The following RIMS2 variants were observed in gnomAD, a reference collection of about 807,000 sequenced individuals.
RIMS2 encodes regulating synaptic membrane exocytosis protein 2.
In RIMS2, 59 loss-of-function variants were observed where a neutral mutation model predicts 174.4. The observed-to-expected ratio is 0.34, with a 90% CI of 0.27 to 0.42. The LOEUF is 0.42. Among genes scored for constraint, RIMS2 ranks in the 10% least tolerant of loss-of-function variants. RIMS2 has a pLI of 1.00. For synonymous variants in RIMS2, 606 were observed against 572.5 expected, an observed-to-expected ratio of 1.06 and a Z score of -0.84; for missense variants, 1,620 against 1,666.3, an observed-to-expected ratio of 0.97 and a Z score of 0.48.
rs866778232 is a variant in RIMS2, at chr8:103,541,466, C to A, written c.176+40404C>A. 5.3e-5 allele frequency among the ~76,000 whole-genome samples: 8 copies of A among 152,100 alleles called. No homozygotes were observed. The South Asian group carries it at 1.7e-3, about 32-fold the overall frequency. On this transcript the variant is annotated intron_variant, in intron 1 of 23. Transcript: ENST00000504942. ...CAGAGATAATCACCACCAGACCTGT[C>A]TTACAAGAAATGCTGAGGAGAGTTC...
At chr8:104,055,504 ATCT>A (rs1039050544) in intron 19 of RIMS2, among the ~76,000 whole-genome samples, 1 of 152,180 alleles carries the variant, frequency 6.6e-6, no homozygotes, top group Admixed American at 6.5e-5. Context: ...TGATATTTGT[ATCT>A]TCTATAAACA....
At chr8:104,005,720 T>C (rs1393765629) in intron 17 of RIMS2, among the ~76,000 whole-genome samples, 1 of 152,124 alleles carries the variant, frequency 6.6e-6, no homozygotes, top group African/African-American at 2.4e-5. Context: ...GTTGTTTTAA[T>C]ACCAGAACTG....
At chr8:103,931,564 T>C (rs1237766735) in intron 12 of RIMS2, among the ~76,000 whole-genome samples, 171 bp downstream of exon 14, 1 of 152,090 alleles carries the variant, frequency 6.6e-6, no homozygotes, top group African/African-American at 2.4e-5. Flanking sequence ...ATAAGATTTT[T>C]TAAAACTCAC....
intron 15 of RIMS2, among the ~76,000 whole-genome samples, chr8:103,968,191 AC>A (rs531300301): frequency 3.7e-4 from 56 of 152,084 alleles, no homozygotes; most frequent in African/African-American, 1.4e-3. Flanking sequence ...GATTAGTGTT[AC>A]CATAGTACAT....
At chr8:103,501,833 AG>A (rs1182776962) in intron 1 of RIMS2, among the ~76,000 whole-genome samples, 5 of 152,274 alleles carry the variant, frequency 3.3e-5, no homozygotes, top group Admixed American at 6.5e-5. Context: ...CGGTCTTGGC[AG>A]GCCGGGTTTT....
intron 1 of RIMS2, among the ~76,000 whole-genome samples, chr8:103,588,895 A>G (rs2094112832): frequency 1.3e-5 from 2 of 151,912 alleles, no homozygotes; most frequent in Admixed American, 1.3e-4. Flanking sequence ...CAACCAAAGC[A>G]GAAATGAACT....
intron 19 of RIMS2, 108 bp from the exon 23 acceptor site, chr8:104,068,390 TACATGCTACATTGA>T (rs907923541): frequency 2.1e-6 from 1 of 475,452 alleles, no homozygotes; most frequent in African/African-American, 2.0e-5. Context: ...ATTTAATTTG[TACATGCTACATTGA>T]GTGAAAGTAA....
intron 2 of RIMS2, among the ~76,000 whole-genome samples, chr8:103,727,397 G>A (rs2097538942): frequency 6.6e-6 from 1 of 151,504 alleles, no homozygotes; most frequent in Admixed American, 6.6e-5. Context: ...TTCCAAATAT[G>A]TTCTTCAATT....
chr8:104,246,525 G>T (rs2140121797), intron 20 of RIMS2, among the ~76,000 whole-genome samples: 1 of 152,118 alleles, frequency 6.6e-6, no homozygotes, highest in East Asian at 1.9e-4. Flanking sequence ...CAAACAATAA[G>T]AAAAATTGTT....
chr8:103,671,842 A>T (rs906224517), intron 1 of RIMS2, among the ~76,000 whole-genome samples: 1 of 152,220 alleles, frequency 6.6e-6, no homozygotes, highest in African/African-American at 2.4e-5. Flanking sequence ...TCATGAAAAT[A>T]TAACTCAAAG....
At chr8:103,734,115 C>T (rs1194457131) in intron 2 of RIMS2, among the ~76,000 whole-genome samples, 11 of 140,364 alleles carry the variant, frequency 7.8e-5, no homozygotes, top group Admixed American at 4.6e-4. Flanking sequence ...TGGGTTCAAT[C>T]AATTCTCCTC....
Position 103,915,598 on chromosome 8 carries a change from G to A in RIMS2, c.1912+4G>A, listed in dbSNP as rs747685693. 6.8e-7 allele frequency: 1 copy of A among 1,471,370 alleles called. No homozygotes were observed. Among genetic ancestry groups the A allele is most frequent in the Non-Finnish European group, 9.4e-7 (1 of 1,059,398 alleles). 91.1% of individuals were successfully genotyped at this position (1,471,370 alleles called of 1,614,324 possible). A position where few individuals can be genotyped will look rare whatever the true frequency, so the allele number is the denominator to read the frequency against. On this transcript the variant is annotated splice_donor_region_variant and intron_variant, in intron 7 of 23. Coordinates refer to ENST00000504942, the Ensembl canonical transcript of RIMS2. ...ACTGTAGGACATCTTAGACCAGGTA[G>A]GGTTTTACCTTTGATTATTTACATT... is the stretch of plus-strand genomic sequence containing the variant.
At chr8:103,810,241 C>T (rs2154461993) in intron 3 of RIMS2, among the ~76,000 whole-genome samples, 1 of 152,238 alleles carries the variant, frequency 6.6e-6, no homozygotes, top group East Asian at 1.9e-4. Flanking sequence ...GCTGAGCCTC[C>T]TTAGAAGCAA....
At chr8:103,634,856 G>C (rs751596086) in intron 1 of RIMS2, among the ~76,000 whole-genome samples, 5 of 150,714 alleles carry the variant, frequency 3.3e-5, no homozygotes, top group Admixed American at 6.6e-5. Flanking sequence ...TTTTTTTTCT[G>C]TTTTTCATTT....
intron 19 of RIMS2, among the ~76,000 whole-genome samples, chr8:104,175,635 T>C (rs1293010204): frequency 1.3e-5 from 2 of 152,162 alleles, no homozygotes; most frequent in East Asian, 1.9e-4. Flanking sequence ...CCAGTTACAT[T>C]ACTGAATAAT....
chr8:103,865,827 A>T (rs998394015), intron 3 of RIMS2, among the ~76,000 whole-genome samples: 2 of 152,148 alleles, frequency 1.3e-5, no homozygotes, highest in East Asian at 3.9e-4. Context: ...TAATATTTTT[A>T]AAAAATTGAT....
chr8:103,604,438 C>T (rs1363787842), intron 1 of RIMS2, among the ~76,000 whole-genome samples: 1 of 152,126 alleles, frequency 6.6e-6, no homozygotes, highest in African/African-American at 2.4e-5. Context: ...AGTGTGATGC[C>T]TCCAGCTTTG....
intron 1 of RIMS2, among the ~76,000 whole-genome samples, chr8:103,516,605 A>G (rs1829097323): frequency 6.6e-6 from 1 of 152,202 alleles, no homozygotes; most frequent in Admixed American, 6.5e-5. Flanking sequence ...TGACAAAATA[A>G]TTTATATCCT....
At chr8:103,800,366 T>C (rs1278557734) in intron 3 of RIMS2, among the ~76,000 whole-genome samples, 1 of 152,188 alleles carries the variant, frequency 6.6e-6, no homozygotes, top group Non-Finnish European at 1.5e-5. Flanking sequence ...TCCACTAAAA[T>C]GTTAGATAGA....
Sources: gnomAD v4.1 joint callset for allele counts (sites outside exome capture counted in the v4.1 genomes callset) on GRCh38, gnomAD v4.1.1 for gene constraint, MANE v1.5 for transcripts, NCBI Gene and HGNC (gene_info 2026-07-23, HGNC 2026-07-21) for gene names.